Variants in CCSER1 observed in about 807,000 individuals in gnomAD.
The protein encoded by CCSER1 is coiled-coil serine rich protein 1.
Under a neutral mutation model 82.0 loss-of-function variants are expected in CCSER1, and 41 were observed. That is an observed-to-expected ratio of 0.50 (90% CI 0.39 to 0.65). CCSER1 has a LOEUF of 0.65. Ranked by LOEUF, CCSER1 falls within the 30% of genes least tolerant of loss-of-function variation. CCSER1 has a pLI of 0.00. For synonymous variants in CCSER1, 414 were observed against 383.9 expected, an observed-to-expected ratio of 1.08 and a Z score of -0.92; for missense variants, 1,119 against 1,064.2, an observed-to-expected ratio of 1.05 and a Z score of -0.72.
At chr4:90,187,032 A>C (rs984190173) in intron 1 of CCSER1, among the ~76,000 whole-genome samples, 3 of 151,994 alleles carry the variant, frequency 2.0e-5, no homozygotes, top group Admixed American at 1.3e-4. Context: ...ATGCATCTTA[A>C]TGACTGTTAA....
At chr4:91,182,449 T>G (rs1734131500) in intron 10 of CCSER1, among the ~76,000 whole-genome samples, 1 of 152,160 alleles carries the variant, frequency 6.6e-6, no homozygotes, top group Admixed American at 6.5e-5. Flanking sequence ...CTCAAAAAAT[T>G]TAAAGTTAAT....
chr4:91,219,332 T>A (rs866892031), intron 10 of CCSER1, among the ~76,000 whole-genome samples: 35 of 142,394 alleles, frequency 2.5e-4, no homozygotes, highest in African/African-American at 8.6e-4. Context: ...TTTTTTTTTT[T>A]AAAACAGTCT....
At chr4:90,767,016 T>G (rs1751350018) in intron 7 of CCSER1, among the ~76,000 whole-genome samples, 1 of 152,300 alleles carries the variant, frequency 6.6e-6, no homozygotes, top group Admixed American at 6.5e-5. Flanking sequence ...AAGCTGAATG[T>G]CACTTATCTG....
At chr4:91,568,512 T>C (rs1430440362) in intron 10 of CCSER1, among the ~76,000 whole-genome samples, 2 of 152,332 alleles carry the variant, frequency 1.3e-5, no homozygotes, top group Middle Eastern at 3.4e-3. Context: ...CCTCTTCATA[T>C]AATCTCATAC....
At chr4:91,290,848 A>T (rs1479400980) in intron 10 of CCSER1, among the ~76,000 whole-genome samples, 2 of 152,024 alleles carry the variant, frequency 1.3e-5, no homozygotes, top group Non-Finnish European at 2.9e-5. Flanking sequence ...AAGATTGAAA[A>T]TTGAATAAAT....
At chr4:90,257,260 G>T (rs561068540) in intron 1 of CCSER1, among the ~76,000 whole-genome samples, 1 of 151,994 alleles carries the variant, frequency 6.6e-6, no homozygotes, top group African/African-American at 2.4e-5. Flanking sequence ...ATGCATCATT[G>T]CTATTCATTA....
At chr4:91,216,350 C>T (rs1201531003) in intron 10 of CCSER1, among the ~76,000 whole-genome samples, 2 of 152,140 alleles carry the variant, frequency 1.3e-5, no homozygotes, top group Non-Finnish European at 2.9e-5. Flanking sequence ...GACAGAGTCT[C>T]GCTCTGTCGC....
At chr4:91,350,136 A>G (rs1030063693) in intron 10 of CCSER1, among the ~76,000 whole-genome samples, 1 of 124,152 alleles carries the variant, frequency 8.1e-6, no homozygotes, top group African/African-American at 2.9e-5. Flanking sequence ...ATAAATTAAC[A>G]GTATTATTTT....
At chr4:90,191,739 A>G (rs1186340935) in intron 1 of CCSER1, among the ~76,000 whole-genome samples, 3 of 152,100 alleles carry the variant, frequency 2.0e-5, no homozygotes, top group South Asian at 2.1e-4. Flanking sequence ...GTAGAAGCAT[A>G]AGACAAGAAC....
At chr4:90,922,904 A>G (rs1370525081) in intron 8 of CCSER1, among the ~76,000 whole-genome samples, 1 of 152,190 alleles carries the variant, frequency 6.6e-6, no homozygotes, top group African/African-American at 2.4e-5. Context: ...TAAGGTAAAC[A>G]TTCCTAAATG....
At chr4:90,776,409 C>T (rs1270055506) in intron 7 of CCSER1, among the ~76,000 whole-genome samples, 2 of 152,166 alleles carry the variant, frequency 1.3e-5, no homozygotes, top group Non-Finnish European at 2.9e-5. Flanking sequence ...ACACAAAAGT[C>T]TTAAGAAAAT....
chr4:91,382,507 A>G (rs190879738), intron 10 of CCSER1, among the ~76,000 whole-genome samples: 32 of 152,344 alleles, frequency 2.1e-4, no homozygotes, highest in Non-Finnish European at 4.0e-4. Context: ...CCTCTGAGCC[A>G]GGCATGGGAT....
chr4:90,139,613 G>T (rs1724360494), intron 1 of CCSER1, among the ~76,000 whole-genome samples: 1 of 152,044 alleles, frequency 6.6e-6, no homozygotes, highest in African/African-American at 2.4e-5. Context: ...GAACACAATT[G>T]TGTCACTCAG....
intron 9 of CCSER1, among the ~76,000 whole-genome samples, chr4:91,001,980 T>G (rs1738079299): frequency 6.6e-6 from 1 of 152,192 alleles, no homozygotes; most frequent in Non-Finnish European, 1.5e-5. Flanking sequence ...AGCATTTGTC[T>G]GAAAAAGATT....
In CCSER1 at chr4:91,128,502, G is replaced by C. The variant is rs140891229; in HGVS notation, c.2217+42508G>C. Among the ~76,000 whole-genome samples, 4 of 152,040 alleles carry C rather than the reference G, an allele frequency of 2.6e-5. No individual in the cohort carries two copies. In the East Asian group the frequency reaches 7.7e-4, roughly 29 times the overall value. On this transcript the variant is annotated intron_variant, in intron 10 of 10. Transcript: ENST00000509176. ...GTGGTCTGATTGGAGAACACAACAG[G>C]TGTATGCATGATGTAATTGCTAAGA... is the stretch of plus-strand genomic sequence containing the variant.
At chr4:91,188,102 A>G (rs1734716049) in intron 10 of CCSER1, among the ~76,000 whole-genome samples, 1 of 152,008 alleles carries the variant, frequency 6.6e-6, no homozygotes, top group Non-Finnish European at 1.5e-5. Flanking sequence ...ATTTATAAAA[A>G]TTTTATTAAA....
At chr4:90,881,376 A>G (rs751571300) in intron 8 of CCSER1, among the ~76,000 whole-genome samples, 10 of 152,194 alleles carry the variant, frequency 6.6e-5, no homozygotes, top group Non-Finnish European at 1.0e-4. Flanking sequence ...AGTAATTCAC[A>G]TTTAGTTTGG....
intron 10 of CCSER1, among the ~76,000 whole-genome samples, chr4:91,434,674 CAT>C (rs1308823059): frequency 8.5e-5 from 13 of 152,236 alleles, no homozygotes; most frequent in African/African-American, 3.1e-4. Flanking sequence ...TATTTTATCT[CAT>C]AAATATTTCT....
intron 10 of CCSER1, among the ~76,000 whole-genome samples, chr4:91,463,709 A>C (rs558135502): frequency 6.6e-6 from 1 of 152,340 alleles, no homozygotes; most frequent in East Asian, 1.9e-4. Flanking sequence ...TGATTAATGC[A>C]CAAGCTTCAG....
Sources: gnomAD v4.1 joint callset for allele counts (sites outside exome capture counted in the v4.1 genomes callset) on GRCh38, gnomAD v4.1.1 for gene constraint, MANE v1.5 for transcripts, NCBI Gene and HGNC (gene_info 2026-07-23, HGNC 2026-07-21) for gene names.